Variants in ADAM23 observed in about 807,000 individuals in gnomAD.
The protein encoded by ADAM23 is disintegrin and metalloproteinase domain-containing protein 23.
Under a neutral mutation model 120.1 loss-of-function variants are expected in ADAM23, and 33 were observed. That is an observed-to-expected ratio of 0.27 (90% CI 0.21 to 0.37). The LOEUF (loss-of-function observed/expected upper bound fraction) is 0.37, where lower values mean the gene tolerates loss of function less well. Ranked by LOEUF, ADAM23 falls within the 10% of genes least tolerant of loss-of-function variation. ADAM23 has a pLI of 1.00. For missense variants in ADAM23, 862 were observed against 1,058.2 expected, an observed-to-expected ratio of 0.81 and a Z score of 2.57; for synonymous variants, 367 against 375.2, an observed-to-expected ratio of 0.98 and a Z score of 0.25.
At chr2:206,533,615 A>G (rs1158429763) in intron 4 of ADAM23, among the ~76,000 whole-genome samples, 1 of 152,230 alleles carries the variant, frequency 6.6e-6, no homozygotes. Flanking sequence ...ATGAAGTTAA[A>G]TGTGAATGTG....
At chr2:206,528,049 T>C (rs1696976622) in intron 3 of ADAM23, among the ~76,000 whole-genome samples, 1 of 152,228 alleles carries the variant, frequency 6.6e-6, no homozygotes, top group South Asian at 2.1e-4. Flanking sequence ...ATGGTTAGAA[T>C]GCCCTTGTAA....
chr2:206,605,026 A>G (rs1698704370), intron 24 of ADAM23, among the ~76,000 whole-genome samples: 1 of 152,112 alleles, frequency 6.6e-6, no homozygotes, highest in Admixed American at 6.6e-5. Flanking sequence ...AACCTTGGGG[A>G]CCTCCACTCA....
chr2:206,605,875 A>T, intron 24 of ADAM23: 1 of 678,398 alleles, frequency 1.5e-6, no homozygotes, highest in Non-Finnish European at 2.6e-6. Flanking sequence ...CAGGGTGGGG[A>T]ATAGAGTAAG....
At chr2:206,588,337 G>A (rs936289015) in intron 20 of ADAM23, among the ~76,000 whole-genome samples, 183 bp downstream of exon 20, 3 of 152,224 alleles carry the variant, frequency 2.0e-5, no homozygotes, top group African/African-American at 7.2e-5. Flanking sequence ...AACTGCTTAA[G>A]TTGGGTACTT....
intron 3 of ADAM23, among the ~76,000 whole-genome samples, chr2:206,526,141 T>TACACACACACACACACAC (rs59684611): frequency 6.9e-6 from 1 of 145,682 alleles, no homozygotes; most frequent in African/African-American, 2.6e-5. Context: ...TTCCAACAAA[T>TACACACACACACACACAC]ACACACACAC....
chr2:206,526,179 C>CAG (rs1381148280), intron 3 of ADAM23, among the ~76,000 whole-genome samples: 8 of 145,442 alleles, frequency 5.5e-5, no homozygotes, highest in African/African-American at 2.1e-4. Flanking sequence ...CACACACACA[C>CAG]AGACACACAC....
intron 3 of ADAM23, among the ~76,000 whole-genome samples, chr2:206,491,418 T>C (rs1268406296): frequency 6.6e-6 from 1 of 152,174 alleles, no homozygotes; most frequent in Non-Finnish European, 1.5e-5. Context: ...TATTACACTG[T>C]TTATCTTACC....
intron 3 of ADAM23, among the ~76,000 whole-genome samples, chr2:206,505,124 A>G (rs1574502252): frequency 6.6e-6 from 1 of 152,166 alleles, no homozygotes; most frequent in Admixed American, 6.5e-5. Flanking sequence ...AGAATTTTCC[A>G]GGAGGTATGT....
chr2:206,469,023 G>T (rs1306441849), intron 2 of ADAM23, among the ~76,000 whole-genome samples: 5 of 152,054 alleles, frequency 3.3e-5, no homozygotes, highest in African/African-American at 1.2e-4. Context: ...GCTCCAAGGG[G>T]GATGGTGTTA....
intron 3 of ADAM23, among the ~76,000 whole-genome samples, chr2:206,488,968 G>A (rs72933260): frequency 0.014 from 2,125 of 152,298 alleles, 26 homozygotes; most frequent in South Asian, 0.033. Flanking sequence ...ACTGCCTGGT[G>A]GGAGTCCCTG....
chr2:206,496,610 A>G (rs1235152530), intron 3 of ADAM23, among the ~76,000 whole-genome samples: 4 of 152,232 alleles, frequency 2.6e-5, no homozygotes, highest in Non-Finnish European at 5.9e-5. Flanking sequence ...GCAAGAGCAT[A>G]CACACTCAAA....
At chr2:206,492,493 C>T (rs1696155610) in intron 3 of ADAM23, among the ~76,000 whole-genome samples, 1 of 152,140 alleles carries the variant, frequency 6.6e-6, no homozygotes, top group African/African-American at 2.4e-5. Context: ...ATGCCATGGA[C>T]TGGGCAATAT....
At chr2:206,584,792 C>T (rs1376812479) in intron 18 of ADAM23, among the ~76,000 whole-genome samples, 2 of 152,206 alleles carry the variant, frequency 1.3e-5, no homozygotes, top group Admixed American at 1.3e-4. Context: ...AAAAGTTCAG[C>T]TAGAGAATTC....
At chr2:206,548,972 A>G (rs1195336663) in intron 8 of ADAM23, among the ~76,000 whole-genome samples, 1 of 152,108 alleles carries the variant, frequency 6.6e-6, no homozygotes, top group African/African-American at 2.4e-5. Context: ...TGTAATTGAA[A>G]TTATGTTTCT....
At chr2:206,551,269 A>G (rs1165265480) in intron 9 of ADAM23, among the ~76,000 whole-genome samples, 2 of 152,130 alleles carry the variant, frequency 1.3e-5, no homozygotes, top group Non-Finnish European at 2.9e-5. Context: ...GAGATCACTG[A>G]TGAGGAGTTA....
intron 23 of ADAM23, 37 bp from the exon 24 acceptor site, chr2:206,596,014 C>A: frequency 6.7e-7 from 1 of 1,486,156 alleles, no homozygotes; most frequent in Non-Finnish European, 9.4e-7. Flanking sequence ...CTACAAAATA[C>A]AGTGAAAATG....
chr2:206,587,723 T>G (rs1448176190), intron 19 of ADAM23, among the ~76,000 whole-genome samples: 1 of 152,158 alleles, frequency 6.6e-6, no homozygotes, highest in Non-Finnish European at 1.5e-5. Flanking sequence ...GAAGCCATAT[T>G]ATAACCTACA....
At chr2:206,510,873 T>C (rs1400549813) in intron 3 of ADAM23, among the ~76,000 whole-genome samples, 1 of 152,230 alleles carries the variant, frequency 6.6e-6, no homozygotes, top group East Asian at 1.9e-4. Context: ...CCAGGTGTAC[T>C]AACACTATTT....
At chr2:206,607,506 C>G (rs1559287553) in intron 24 of ADAM23, among the ~76,000 whole-genome samples, 1 of 152,128 alleles carries the variant, frequency 6.6e-6, no homozygotes. Flanking sequence ...TTTTAATAAT[C>G]CTTCCTTGAA....
Sources: allele counts gnomAD v4.1 joint callset (sites outside exome capture counted in the v4.1 genomes callset), GRCh38; gene constraint gnomAD v4.1.1; transcripts MANE v1.5; gene names NCBI Gene and HGNC (gene_info 2026-07-23, HGNC 2026-07-21).